The following SCN8A variants were observed in gnomAD, a reference collection of about 807,000 sequenced individuals.
The protein encoded by SCN8A is sodium channel protein type 8 subunit alpha.
Under a neutral mutation model 184.1 loss-of-function variants are expected in SCN8A, and 30 were observed. That is an observed-to-expected ratio of 0.16 (90% CI 0.12 to 0.22). SCN8A has a LOEUF of 0.22. SCN8A is among the 10% of genes least tolerant of loss of function. The pLI, the probability that SCN8A is intolerant of heterozygous loss-of-function variation, is 1.00. For synonymous variants in SCN8A, 852 were observed against 907.0 expected (o/e 0.94, Z 1.09); for missense variants, 1,057 against 2,498.9 (o/e 0.42, Z 12.30).
rs139557858 is a variant in SCN8A, at chr12:51,690,641, C to T, written c.706+1545C>T. On this transcript the variant is annotated intron_variant, in intron 6 of 26. Transcript: ENST00000627620. ...CCTCCCAAAGTGCTGGGATTACAGGCGTGAACCACTGCATCTGGCCCAGAA... is the reference window on the plus strand; with the variant it reads ...CCTCCCAAAGTGCTGGGATTACAGGTGTGAACCACTGCATCTGGCCCAGAA... Among the ~76,000 whole-genome samples, 590 of 152,314 alleles carry T rather than the reference C, an allele frequency of 3.9e-3. 4 individuals carry two copies. Among genetic ancestry groups the T allele is most frequent in the African/African-American group, 0.014 (565 of 41,578 alleles).
At chr12:51,735,534 T>C (rs994050928) in intron 12 of SCN8A, among the ~76,000 whole-genome samples, 1 of 152,184 alleles carries the variant, frequency 6.6e-6, no homozygotes, top group Non-Finnish European at 1.5e-5. Context: ...CCGGCCCTTA[T>C]TGAAGGAATA....
chr12:51,730,803 A>G (rs1942228279), intron 12 of SCN8A, among the ~76,000 whole-genome samples: 1 of 152,134 alleles, frequency 6.6e-6, no homozygotes, highest in Non-Finnish European at 1.5e-5. Flanking sequence ...TCTTATTCTT[A>G]CTTTCTAACA....
At chr12:51,763,258 G>A (rs1333865579) in intron 15 of SCN8A, among the ~76,000 whole-genome samples, 1 of 152,162 alleles carries the variant, frequency 6.6e-6, no homozygotes, top group Non-Finnish European at 1.5e-5. Context: ...CATACTTTGA[G>A]TACCCATACA....
rs150146163 is a variant in SCN8A, at chr12:51,664,424, T to C, written c.276+1331T>C. On this transcript the variant is annotated intron_variant, in intron 2 of 26. Transcript: ENST00000627620. ...GATTTCACCATGTTGGCCAAGCTGGTCTCAAACTCCTGACCTCAAGTGATT... is the reference window on the plus strand; with the variant it reads ...GATTTCACCATGTTGGCCAAGCTGGCCTCAAACTCCTGACCTCAAGTGATT... Among the ~76,000 whole-genome samples, 480 of 152,228 alleles carry C rather than the reference T, an allele frequency of 3.2e-3. 4 individuals are homozygous for C. Among genetic ancestry groups the C allele is most frequent in the African/African-American group, 0.011 (454 of 41,532 alleles).
intron 1 of SCN8A, among the ~76,000 whole-genome samples, chr12:51,594,746 A>G (rs1939307552): frequency 6.6e-6 from 1 of 152,178 alleles, no homozygotes; most frequent in African/African-American, 2.4e-5. Flanking sequence ...CTTTGCTTCT[A>G]CCATAAGCAA....
chr12:51,684,050 C>G (rs971401830), intron 2 of SCN8A, 124 bp from the exon 3 acceptor site: 17 of 693,622 alleles, frequency 2.5e-5, no homozygotes, highest in Non-Finnish European at 3.4e-5. Context: ...GTTTAAAAAC[C>G]AAGTTGGGAA....
chr12:51,713,895 T>C (rs1240022017), intron 11 of SCN8A, among the ~76,000 whole-genome samples: 1 of 151,496 alleles, frequency 6.6e-6, no homozygotes, highest in South Asian at 2.1e-4. Context: ...AAAAATATAG[T>C]AATGATAAAC....
intron 12 of SCN8A, among the ~76,000 whole-genome samples, chr12:51,725,356 C>T (rs1031607638): frequency 6.6e-6 from 1 of 152,080 alleles, no homozygotes; most frequent in South Asian, 2.1e-4. Flanking sequence ...AGAAGATGAC[C>T]AGCCAATAGT....
Position 51,809,744 on chromosome 12 carries a change from C to T in SCN8A, c.*2315C>T, listed in dbSNP as rs1240837034. ...TTATTGGCATGCCTTTTTGTAAATA[C>T]AAATTATTAACTTATTAAATAGGAA... is the stretch of plus-strand genomic sequence containing the variant. On this transcript the variant is annotated 3_prime_UTR_variant, in exon 27 of 27. Coordinates refer to ENST00000627620, the MANE Select transcript of SCN8A (RefSeq NM_001330260.2). The T allele has an allele frequency of 6.6e-6, 1 of 152,128 alleles. No individual in the cohort carries two copies. Among genetic ancestry groups the T allele is most frequent in the African/African-American group, 2.4e-5 (1 of 41,436 alleles). The allele number at this position is 152,128 out of a possible 1,614,324, so 9.4% of individuals were successfully genotyped here.
chr12:51,618,506 CACAG>C lies in SCN8A; in HGVS notation c.-55+27149_-55+27152del, dbSNP rs1217133227. The stretch of plus-strand genomic sequence containing the variant: ...ACACACACACACACACACACACACA[CACAG>C]AAAGAAAAAAAGGCAAAACTCTGCT... On this transcript the variant is annotated intron_variant, in intron 1 of 26. Coordinates refer to ENST00000627620, the MANE Select transcript of SCN8A (RefSeq NM_001330260.2). 7.5e-3 allele frequency among the ~76,000 whole-genome samples: 872 copies of C among 115,760 alleles called. 13 individuals carry two copies. The highest frequency in any genetic ancestry group is 0.025 in the African/African-American group (816 of 32,916). The allele number at this position is 115,760 out of a possible 152,430, so 75.9% of individuals were successfully genotyped here. A position where few individuals can be genotyped will look rare whatever the true frequency, so the allele number is the denominator to read the frequency against.
chr12:51,757,032 A>G (rs1469654318), intron 14 of SCN8A, among the ~76,000 whole-genome samples: 2 of 152,222 alleles, frequency 1.3e-5, no homozygotes, highest in East Asian at 1.9e-4. Context: ...CTGTGCTTCT[A>G]TAGCCCCATA....
At chr12:51,662,062 C>T (rs1242474794) in intron 1 of SCN8A, among the ~76,000 whole-genome samples, 1 of 152,190 alleles carries the variant, frequency 6.6e-6, no homozygotes, top group Non-Finnish European at 1.5e-5. Flanking sequence ...AGAGGAAGTT[C>T]TCTAGGATTC....
intron 14 of SCN8A, among the ~76,000 whole-genome samples, chr12:51,756,818 G>A (rs1270506320): frequency 1.3e-5 from 2 of 152,202 alleles, no homozygotes; most frequent in Non-Finnish European, 2.9e-5. Context: ...CTTCAGGACT[G>A]AGTGGTTCAG....
chr12:51,616,175 C>T (rs1236693332), intron 1 of SCN8A, among the ~76,000 whole-genome samples: 7 of 152,164 alleles, frequency 4.6e-5, no homozygotes, highest in African/African-American at 1.7e-4. Context: ...TAAAGAATTT[C>T]CTTTAGCATT....
chr12:51,599,267 G>T (rs530727307), intron 1 of SCN8A, among the ~76,000 whole-genome samples: 30 of 152,214 alleles, frequency 2.0e-4, no homozygotes, highest in African/African-American at 6.7e-4. Context: ...AATAAGAAAA[G>T]ATTTTCATAA....
At chr12:51,633,646 T>A (rs1234605427) in intron 1 of SCN8A, among the ~76,000 whole-genome samples, 2 of 152,232 alleles carry the variant, frequency 1.3e-5, no homozygotes, top group Non-Finnish European at 2.9e-5. Context: ...CACATTAAAC[T>A]TGAAGGCAGT....
At position 51,721,635 on chromosome 12, in the gene SCN8A, A is replaced by G. The variant is rs1284722342; in HGVS notation, c.1725A>G (p.Arg575=). ...GTTTCAGGGGACCTGGGCGGTTCCG[A>G]GACCCGGGCTCCGAGAATGAGTTCG... The part of the protein sequence containing the change: ...IFSFRGPGRF[R]DPGSENEFAD... The change falls in exon 12 of 27, where the codon CGA becomes CGG. Residue 575 remains arginine, a synonymous_variant. Transcript: ENST00000627620. The G allele has an allele frequency of 6.2e-7, 1 of 1,612,400 alleles. No homozygotes were observed. Among genetic ancestry groups the G allele is most frequent in the South Asian group, 1.1e-5 (1 of 90,634 alleles).
rs755156041 is a variant in SCN8A, at chr12:51,746,047, A to G, written c.2131+12A>G. 4 of 1,582,104 alleles carry G rather than the reference A, an allele frequency of 2.5e-6. No homozygotes were observed. The highest frequency in any genetic ancestry group is 1.8e-5 in the Admixed American group (1 of 54,900). ...TACACTAGTAGAAGGTATGTGCCCT[A>G]TAATGTCAGTCCAACCGCTGAGATA... On this transcript the variant is annotated intron_variant, in intron 13 of 26. Transcript: ENST00000627620.
chr12:51,803,128 A>G (rs1284973392), intron 26 of SCN8A, among the ~76,000 whole-genome samples: 2 of 152,140 alleles, frequency 1.3e-5, no homozygotes, highest in African/African-American at 4.8e-5. Context: ...CTGAGTCCCA[A>G]ATCCTCAAAA....
Sources: allele counts gnomAD v4.1 joint callset (sites outside exome capture counted in the v4.1 genomes callset), GRCh38; gene constraint gnomAD v4.1.1; transcripts MANE v1.5; gene names NCBI Gene and HGNC (gene_info 2026-07-23, HGNC 2026-07-21).